Variants in ASAP1 observed in about 807,000 individuals in gnomAD.
ASAP1 encodes the protein arf-GAP with SH3 domain, ANK repeat and PH domain-containing protein 1.
A neutral mutation model predicts 145.2 loss-of-function variants in ASAP1; 43 were observed. The ratio of observed to expected loss-of-function variants is 0.30; its 90% CI spans 0.23 to 0.38. The LOEUF is 0.38. Ranked by LOEUF, ASAP1 falls within the 10% of genes least tolerant of loss-of-function variation. The pLI is 1.00. For missense variants in ASAP1, 1,018 were observed against 1,355.3 expected, an observed-to-expected ratio of 0.75 and a Z score of 3.91; for synonymous variants, 546 against 515.5, an observed-to-expected ratio of 1.06 and a Z score of -0.80.
At position 130,236,965 on chromosome 8, in the gene ASAP1, C is replaced by A. The variant is rs1180851532; in HGVS notation, c.216G>T (p.Gln72His). The change falls in exon 4 of 30, where the codon CAG (glutamine) becomes CAT (histidine). Residue 72 changes from glutamine to histidine, a missense_variant. Physicochemically the swap from Gln to His is conservative, Grantham distance 24 (BLOSUM62 0). Around this residue, in one of 9 missense-constraint regions of ASAP1, gnomAD observed 106 missense variants for 134.5 expected, o/e 0.79. Coordinates refer to ENST00000518721, the MANE Select transcript of ASAP1 (RefSeq NM_018482.4). ...EALDQDRTAL[Q>H]KVKKSVKAIY... ...TTGCTTTTACAGACTTCTTCACTTT[C>A]TGAAGGGCTGTTCTATCTTGGTCTA... 4 of 1,605,244 alleles carry A rather than the reference C, an allele frequency of 2.5e-6. No homozygotes were observed. Among genetic ancestry groups the A allele is most frequent in the Non-Finnish European group, 3.4e-6 (4 of 1,175,696 alleles).
intron 3 of ASAP1, among the ~76,000 whole-genome samples, chr8:130,300,018 T>C (rs946048609): frequency 1.3e-5 from 2 of 151,762 alleles, no homozygotes; most frequent in African/African-American, 4.8e-5. Flanking sequence ...AGTCAGGCAG[T>C]TTCTTGAAAA....
intron 26 of ASAP1, 98 bp downstream of exon 26, chr8:130,079,804 T>G (rs970428754): frequency 1.7e-5 from 22 of 1,287,982 alleles, no homozygotes; most frequent in Non-Finnish European, 2.5e-5. Flanking sequence ...GACCACAGCT[T>G]TGAGCAGCGC....
intron 3 of ASAP1, among the ~76,000 whole-genome samples, chr8:130,343,983 T>C (rs1357320912): frequency 2.6e-5 from 4 of 152,356 alleles, no homozygotes; most frequent in Middle Eastern, 3.4e-3. Flanking sequence ...TTTCTTCTTT[T>C]ATACTTGTCC....
intron 5 of ASAP1, among the ~76,000 whole-genome samples, chr8:130,192,081 T>C (rs898209242): frequency 3.9e-5 from 6 of 151,982 alleles, no homozygotes; most frequent in Non-Finnish European, 8.8e-5. Flanking sequence ...GACAAAGGGA[T>C]TTCTACCAAG....
intron 3 of ASAP1, among the ~76,000 whole-genome samples, chr8:130,290,038 G>C (rs1031098775): frequency 6.6e-6 from 1 of 152,074 alleles, no homozygotes; most frequent in Non-Finnish European, 1.5e-5. Flanking sequence ...CGCTCTTCCT[G>C]GTACTCGACA....
At chr8:130,436,573 A>T (rs915013015) in intron 1 of ASAP1, among the ~76,000 whole-genome samples, 2 of 152,232 alleles carry the variant, frequency 1.3e-5, no homozygotes, top group African/African-American at 4.8e-5. Flanking sequence ...GGCCTCCCAA[A>T]GTGTTGGGCT....
intron 18 of ASAP1, among the ~76,000 whole-genome samples, chr8:130,121,091 T>C (rs2097565093): frequency 6.6e-6 from 1 of 152,236 alleles, no homozygotes; most frequent in African/African-American, 2.4e-5. Flanking sequence ...CAGCAAATCC[T>C]GTTGGCTCTC....
At chr8:130,161,307 T>C (rs1301118489) in intron 11 of ASAP1, among the ~76,000 whole-genome samples, 3 of 152,228 alleles carry the variant, frequency 2.0e-5, no homozygotes, top group African/African-American at 4.8e-5. Flanking sequence ...GGCTATTTAC[T>C]GACTTGTGTA....
intron 3 of ASAP1, among the ~76,000 whole-genome samples, chr8:130,296,510 T>C (rs1822285719): frequency 8.6e-6 from 1 of 116,956 alleles, no homozygotes; most frequent in African/African-American, 3.0e-5. Flanking sequence ...CTACTTCCCT[T>C]TTTTTTTTTT....
At chr8:130,069,599 C>G (rs2097437896) in intron 27 of ASAP1, 1 of 152,220 alleles carries the variant, frequency 6.6e-6, no homozygotes, top group South Asian at 2.1e-4. Flanking sequence ...AGGGGCCATG[C>G]TAATCTTCTC....
chr8:130,106,464 G>C (rs1053262295), intron 24 of ASAP1, among the ~76,000 whole-genome samples: 7 of 152,206 alleles, frequency 4.6e-5, no homozygotes, highest in Non-Finnish European at 8.8e-5. Flanking sequence ...TACTGCCACA[G>C]ATCTCCAAGG....
intron 24 of ASAP1, among the ~76,000 whole-genome samples, chr8:130,099,536 G>A (rs928660208): frequency 1.3e-5 from 2 of 151,986 alleles, no homozygotes; most frequent in African/African-American, 4.8e-5. Context: ...TTGCTATGTT[G>A]TCCAGGCTTG....
At chr8:130,409,090 C>T (rs1829155397) in intron 1 of ASAP1, among the ~76,000 whole-genome samples, 1 of 152,026 alleles carries the variant, frequency 6.6e-6, no homozygotes, top group Admixed American at 6.6e-5. Context: ...GGTGAAACCC[C>T]ATCTCTACTA....
chr8:130,264,098 A>G (rs907579541), intron 3 of ASAP1, among the ~76,000 whole-genome samples: 6 of 152,224 alleles, frequency 3.9e-5, no homozygotes, highest in Admixed American at 2.0e-4. Flanking sequence ...GTCAACAGAG[A>G]GACACAACAC....
chr8:130,441,740 G>C (rs1336078188), intron 1 of ASAP1, among the ~76,000 whole-genome samples: 4 of 152,200 alleles, frequency 2.6e-5, no homozygotes, highest in African/African-American at 7.2e-5. Context: ...GGGAGGTGTA[G>C]AGAATTTCAA....
intron 27 of ASAP1, among the ~76,000 whole-genome samples, chr8:130,062,149 G>A (rs1273697688): frequency 1.3e-5 from 2 of 152,186 alleles, no homozygotes; most frequent in Non-Finnish European, 2.9e-5. Flanking sequence ...TTACATTCCT[G>A]TTTTACTCAT....
At chr8:130,183,779 C>T (rs1299411474) in intron 7 of ASAP1, among the ~76,000 whole-genome samples, 1 of 152,040 alleles carries the variant, frequency 6.6e-6, no homozygotes, top group East Asian at 1.9e-4. Context: ...TAGAGCTGTT[C>T]TCTGAAAACT....
intron 3 of ASAP1, among the ~76,000 whole-genome samples, chr8:130,255,196 A>T (rs1275041790): frequency 6.6e-6 from 1 of 152,194 alleles, no homozygotes; most frequent in African/African-American, 2.4e-5. Context: ...CCTACTTATC[A>T]CAAGGCACTT....
chr8:130,332,080 T>TG (rs1345971460), intron 3 of ASAP1, among the ~76,000 whole-genome samples: 6 of 152,284 alleles, frequency 3.9e-5, no homozygotes, highest in Admixed American at 3.9e-4. Context: ...GCACCTCTCT[T>TG]GGAGGCCTGT....
Sources: allele counts gnomAD v4.1 joint callset (sites outside exome capture counted in the v4.1 genomes callset), GRCh38; gene constraint gnomAD v4.1.1; regional missense constraint gnomAD v4.1.1; transcripts MANE v1.5; gene names NCBI Gene and HGNC (gene_info 2026-07-23, HGNC 2026-07-21).